The following MPDZ variants were observed in gnomAD, a reference collection of about 807,000 sequenced individuals.
MPDZ encodes multiple PDZ domain crumbs cell polarity complex component.
Under a neutral mutation model 239.1 loss-of-function variants are expected in MPDZ, and 234 were observed. The ratio of observed to expected loss-of-function variants is 0.98; its 90% CI spans 0.88 to 1.09. The LOEUF (loss-of-function observed/expected upper bound fraction) is 1.09, where lower values mean the gene tolerates loss of function less well. Among genes scored for constraint, MPDZ ranks in the 50% least tolerant of loss-of-function variants. The pLI is 0.00. For synonymous variants in MPDZ, 1,048 were observed against 881.3 expected (o/e 1.19, Z -3.35); for missense variants, 3,175 against 2,510.0 (o/e 1.26, Z -5.66).
Position 13,126,566 on chromosome 9 carries a change from G to A in MPDZ, c.4582C>T (p.Gln1528Ter). The A allele has an allele frequency of 6.3e-7, 1 of 1,591,988 alleles. No homozygotes were observed. Among genetic ancestry groups the A allele is most frequent in the Non-Finnish European group, 8.6e-7 (1 of 1,168,112 alleles). ...ATTTCATCATCTACAGCCAGTATCT[G>A]ATCTCCGACTTTGAGTCGTCCATCC... ...ATDGRLKVGD[Q>*]ILAVDDEIVV... Residue 1528 changes from glutamine (Q) to a stop codon, truncating the protein, a stop_gained, in exon 34 of 47, where the codon CAG (glutamine) becomes TAG (stop). Coordinates refer to ENST00000319217, the MANE Select transcript of MPDZ (RefSeq NM_001378778.1). LOFTEE classifies it high-confidence loss of function.
intron 10 of MPDZ, among the ~76,000 whole-genome samples, chr9:13,214,992 T>C (rs1053321006): frequency 3.3e-5 from 5 of 151,928 alleles, no homozygotes; most frequent in Non-Finnish European, 5.9e-5. Context: ...AAAAACACAA[T>C]ATTTACCATC....
chr9:13,108,949 G>T lies in MPDZ; in HGVS notation c.6053C>A (p.Thr2018Lys), dbSNP rs750045780. The change falls in exon 46 of 47, where the codon ACA (threonine) becomes AAA (lysine). Residue 2018 changes from threonine (T) to lysine (K), a missense_variant. Physicochemically the swap from Thr to Lys is moderately conservative, Grantham distance 78. Transcript: ENST00000319217. ...PHGDLPIYVK[T>K]VFAKGAASED... ...TTGCAAGCTTACCTTTGCAAACACT[G>T]TTTTAACATAAATGGGTAAGTCTCC... The T allele has an allele frequency of 1.7e-5, 28 of 1,610,530 alleles. No homozygotes were observed. In the Admixed American group the frequency reaches 4.2e-4, roughly 24 times the overall value.
At chr9:13,220,869 A>G (rs1419285997) in intron 7 of MPDZ, among the ~76,000 whole-genome samples, 1 of 152,046 alleles carries the variant, frequency 6.6e-6, no homozygotes, top group Non-Finnish European at 1.5e-5. Context: ...ACAATGTCAC[A>G]TATCATAAAT....
chr9:13,260,722 G>T (rs1254238220), intron 1 of MPDZ, among the ~76,000 whole-genome samples: 1 of 152,112 alleles, frequency 6.6e-6, no homozygotes, highest in Non-Finnish European at 1.5e-5. Context: ...AAGCACTGAG[G>T]AAAGGCCACA....
intron 3 of MPDZ, among the ~76,000 whole-genome samples, chr9:13,233,364 T>C (rs535214717): frequency 2.0e-5 from 3 of 152,202 alleles, no homozygotes; most frequent in South Asian, 2.1e-4. Flanking sequence ...ACACATACAA[T>C]ACAAATGAAT....
chr9:13,222,358 T>C lies in MPDZ; in HGVS notation c.622A>G (p.Ile208Val). 1 of 1,613,054 alleles carries C rather than the reference T, an allele frequency of 6.2e-7. No homozygotes were observed. The highest frequency in any genetic ancestry group is 8.5e-7 in the Non-Finnish European group (1 of 1,179,324). ...ACAGTATCTTTGGCTTTCTGCAGGA[T>C]GCTGATAGCCTGCTGATGTGTAATT... is the stretch of plus-strand genomic sequence containing the variant. ...QTITHQQAIS[I>V]LQKAKDTVQL... is the part of the protein sequence containing the mutation. The change falls in exon 6 of 47, where the codon ATC becomes GTC. Residue 208 changes from isoleucine to valine, a missense_variant. Physicochemically the swap from Ile to Val is conservative, Grantham distance 29. Coordinates refer to ENST00000319217, the MANE Select transcript of MPDZ (RefSeq NM_001378778.1).
chr9:13,154,074 G>A (rs1267993699), intron 24 of MPDZ, among the ~76,000 whole-genome samples: 2 of 152,128 alleles, frequency 1.3e-5, no homozygotes, highest in African/African-American at 4.8e-5. Context: ...GACACAGAGA[G>A]GTTAAGTAAC....
Position 13,106,266 on chromosome 9 carries a change from A to G in MPDZ, c.*699T>C, listed in dbSNP as rs1941457078. On this transcript the variant is annotated 3_prime_UTR_variant, in exon 47 of 47. Transcript: ENST00000319217. ...CATGAAAATATTTTACAAAAGGTCAAAAATAAGAATGAAAATTGAAATGTG... is the reference window on the plus strand; with the variant it reads ...CATGAAAATATTTTACAAAAGGTCAGAAATAAGAATGAAAATTGAAATGTG... 1 of 152,154 alleles carries G rather than the reference A, an allele frequency of 6.6e-6. No homozygotes were observed. The highest frequency in any genetic ancestry group is 1.5e-5 in the Non-Finnish European group (1 of 68,024). 9.4% of individuals were successfully genotyped at this position (152,154 alleles called of 1,614,324 possible).
intron 40 of MPDZ, 72 bp from the exon 41 acceptor site, chr9:13,114,093 A>G (rs1942965821): frequency 8.5e-7 from 1 of 1,180,314 alleles, no homozygotes; most frequent in Non-Finnish European, 1.2e-6. Flanking sequence ...TTATTTCAGA[A>G]TTTAATCTAG....
chr9:13,195,024 A>G (rs1353057295), intron 13 of MPDZ, among the ~76,000 whole-genome samples: 1 of 152,170 alleles, frequency 6.6e-6, no homozygotes, highest in Non-Finnish European at 1.5e-5. Context: ...GCAGTGGTGC[A>G]TGCCTGTAAT....
intron 37 of MPDZ, 23 bp downstream of exon 37, chr9:13,122,064 G>C: frequency 6.2e-7 from 1 of 1,611,896 alleles, no homozygotes; most frequent in Non-Finnish European, 8.5e-7. Context: ...TAATTTTGAA[G>C]GTCAAAAACA....
At chr9:13,107,650 G>A (rs961690664) in intron 46 of MPDZ, among the ~76,000 whole-genome samples, 1 of 152,102 alleles carries the variant, frequency 6.6e-6, no homozygotes, top group African/African-American at 2.4e-5. Context: ...TCTTTTTGTG[G>A]TTTTGAAAAA....
At chr9:13,160,824 TTAAAATTATA>T (rs2133538215) in intron 23 of MPDZ, among the ~76,000 whole-genome samples, 1 of 36,472 alleles carries the variant, frequency 2.7e-5, no homozygotes, top group Non-Finnish European at 6.0e-5. Flanking sequence ...CTTGTCATTA[TTAAAATTATA>T]TATATATATA....
chr9:13,204,424 T>A lies in MPDZ; in HGVS notation c.1546+612A>T, dbSNP rs192094636. On this transcript the variant is annotated intron_variant, in intron 12 of 46. Coordinates refer to ENST00000319217, the MANE Select transcript of MPDZ (RefSeq NM_001378778.1). ...CCAACATGGCGAAATCTGTCTCTAA[T>A]ACGAATAATAATAATAATGCTACTC... Among the ~76,000 whole-genome samples, 3 of 152,184 alleles carry A rather than the reference T, an allele frequency of 2.0e-5. No individual in the cohort carries two copies. In the East Asian group the frequency reaches 5.8e-4, roughly 29 times the overall value.
At chr9:13,234,870 G>A (rs1399180409) in intron 3 of MPDZ, among the ~76,000 whole-genome samples, 1 of 151,800 alleles carries the variant, frequency 6.6e-6, no homozygotes, top group African/African-American at 2.4e-5. Context: ...ACAAAAACAT[G>A]TGCTTTTTTT....
At chr9:13,277,392 T>A in intron 1 of MPDZ, among the ~76,000 whole-genome samples, 1 of 151,990 alleles carries the variant, frequency 6.6e-6, no homozygotes, top group East Asian at 1.9e-4. Context: ...TCTTCATTAG[T>A]TTGTTTGTTT....
intron 32 of MPDZ, among the ~76,000 whole-genome samples, chr9:13,127,093 A>T (rs984798950): frequency 2.0e-5 from 3 of 152,320 alleles, no homozygotes; most frequent in Middle Eastern, 3.4e-3. Context: ...AGCATTTACA[A>T]ATTTTGTCTA....
At chr9:13,132,931 C>A (rs1387322957) in intron 32 of MPDZ, among the ~76,000 whole-genome samples, 1 of 152,076 alleles carries the variant, frequency 6.6e-6, no homozygotes, top group Non-Finnish European at 1.5e-5. Context: ...ATTTCCTGGG[C>A]AGTCATTATA....
chr9:13,187,659 A>T (rs528721568), intron 17 of MPDZ, among the ~76,000 whole-genome samples: 1 of 152,324 alleles, frequency 6.6e-6, no homozygotes, highest in South Asian at 2.1e-4. Context: ...TGGCACTTAA[A>T]ATACATTAAC....
Sources: allele counts gnomAD v4.1 joint callset (sites outside exome capture counted in the v4.1 genomes callset), GRCh38; gene constraint gnomAD v4.1.1; transcripts MANE v1.5; gene names NCBI Gene and HGNC (gene_info 2026-07-23, HGNC 2026-07-21).